Variants in UMODL1 observed in about 807,000 individuals in gnomAD.
The protein encoded by UMODL1 is uromodulin-like 1.
A neutral mutation model predicts 136.3 loss-of-function variants in UMODL1; 128 were observed. The observed-to-expected ratio is 0.94, with a 90% CI of 0.81 to 1.09. UMODL1 has a LOEUF of 1.09. Among genes scored for constraint, UMODL1 ranks in the 50% least tolerant of loss-of-function variants. The pLI is 0.00. For missense variants in UMODL1, 1,766 were observed against 1,725.6 expected (o/e 1.02, Z -0.41); for synonymous variants, 721 against 720.0 (o/e 1.00, Z -0.02).
intron 22 of UMODL1, among the ~76,000 whole-genome samples, chr21:42,141,270 G>A (rs1374745550): frequency 1.3e-5 from 2 of 152,210 alleles, no homozygotes; most frequent in Non-Finnish European, 2.9e-5. Context: ...CCACCCGCCT[G>A]TGGATGTGAT....
At chr21:42,135,225 C>T (rs764030283) in intron 21 of UMODL1, among the ~76,000 whole-genome samples, 7 of 152,368 alleles carry the variant, frequency 4.6e-5, no homozygotes, top group Non-Finnish European at 7.3e-5. Context: ...GAGATAGATG[C>T]CCTGTTTGGC....
At chr21:42,073,289 G>A (rs2066252734) in intron 1 of UMODL1, among the ~76,000 whole-genome samples, 1 of 152,204 alleles carries the variant, frequency 6.6e-6, no homozygotes, top group African/African-American at 2.4e-5. Flanking sequence ...GTTCCTTCCG[G>A]CCATATTCCA....
chr21:42,090,471 A>C, intron 6 of UMODL1, 33 bp downstream of exon 6: 8 of 1,610,990 alleles, frequency 5.0e-6, no homozygotes, highest in Non-Finnish European at 6.8e-6. Context: ...TGGCATGGGA[A>C]TGGCTTAATT....
intron 5 of UMODL1, 59 bp from the exon 6 acceptor site, chr21:42,090,239 A>T: frequency 1.2e-6 from 2 of 1,607,694 alleles, no homozygotes; most frequent in South Asian, 2.2e-5. Context: ...GTGCAGGTAG[A>T]TGAAGATGAC....
intron 17 of UMODL1, among the ~76,000 whole-genome samples, chr21:42,126,136 C>G (rs918727848): frequency 3.3e-5 from 5 of 152,200 alleles, no homozygotes; most frequent in Admixed American, 2.0e-4. Flanking sequence ...CAGGTGCTGC[C>G]TCCTCTGGTC....
At position 42,127,667 on chromosome 21, in the gene UMODL1, C is replaced by T. The variant is rs73905560; in HGVS notation, c.3531-5C>T. On this transcript the variant is annotated splice_region_variant and splice_polypyrimidine_tract_variant and intron_variant, in intron 19 of 22. Transcript: ENST00000408910. ...AGCAAGGAGTCCCATTTCCTCTCTT[C>T]TCAGCTGCCCTGTGCCCAACACATA... The T allele has an allele frequency of 1.7e-3, 2,758 of 1,611,406 alleles. 37 individuals are homozygous for T. In the African/African-American group the frequency reaches 0.032, roughly 19 times the overall value.
At chr21:42,111,233 G>A (rs1174349687) in intron 11 of UMODL1, 112 bp downstream of exon 11, 2 of 1,523,800 alleles carry the variant, frequency 1.3e-6, no homozygotes, top group Admixed American at 4.3e-5. Flanking sequence ...TACCAGCCAG[G>A]CGAGCCCCAG....
rs2066996967 is a variant in UMODL1 at position 42,122,941 on chromosome 21, C to T, written c.2938C>T (p.Pro980Ser). ...CACCAGCCCCACCCCCCAAGGCCTG[C>T]CCCAGCGGCTGAACCTGACCGGAGC... ...QGTSPTPQGL[P>S]QRLNLTGAVR... Residue 980 changes from proline (P) to serine (S), a missense_variant, in exon 17 of 23, where the codon CCC (proline) becomes TCC (serine). By Grantham distance (74) the Pro-to-Ser change is moderately conservative. Transcript: ENST00000408910. This position sits in a 1 kb window ranked among gnomAD's most constrained non-coding sequence, Gnocchi z 4.3. 2 of 1,613,926 alleles carry T rather than the reference C, an allele frequency of 1.2e-6. No homozygotes were observed. The highest frequency in any genetic ancestry group is 1.7e-6 in the Non-Finnish European group (2 of 1,180,040).
chr21:42,133,198 T>C (rs2067156200), intron 21 of UMODL1, among the ~76,000 whole-genome samples: 1 of 152,248 alleles, frequency 6.6e-6, no homozygotes, highest in Non-Finnish European at 1.5e-5. Flanking sequence ...AGAAACACTG[T>C]TGGAGACTGC....
chr21:42,074,676 C>T (rs894373572), intron 1 of UMODL1, among the ~76,000 whole-genome samples: 2 of 152,060 alleles, frequency 1.3e-5, no homozygotes, highest in African/African-American at 4.8e-5. Flanking sequence ...TGTCCTGCAG[C>T]GGGGGTGACT....
chr21:42,114,522 A>G (rs1406923560), intron 13 of UMODL1, among the ~76,000 whole-genome samples: 1 of 151,334 alleles, frequency 6.6e-6, no homozygotes, highest in Non-Finnish European at 1.5e-5. Context: ...GGTGGGGCGC[A>G]CACCCCTTGA....
chr21:42,091,627 G>A (rs761298944), intron 6 of UMODL1, among the ~76,000 whole-genome samples: 5 of 152,206 alleles, frequency 3.3e-5, no homozygotes, highest in Non-Finnish European at 7.3e-5. Flanking sequence ...GTGAAGAAGA[G>A]GAAAAAGGAA....
At chr21:42,111,774 T>G in intron 12 of UMODL1, 64 bp downstream of exon 12, 1 of 1,463,516 alleles carries the variant, frequency 6.8e-7, no homozygotes, top group Non-Finnish European at 9.1e-7. Context: ...TGTGAGCCTC[T>G]GGGGCAAAGC....
intron 21 of UMODL1, among the ~76,000 whole-genome samples, chr21:42,135,096 A>T (rs1050588017): frequency 1.3e-5 from 2 of 152,196 alleles, no homozygotes; most frequent in Non-Finnish European, 2.9e-5. Flanking sequence ...TTACAAAAGC[A>T]GCCATTGCTG....
upstream of UMODL1, among the ~76,000 whole-genome samples, chr21:42,070,674 T>TA (rs1268814799): frequency 6.6e-6 from 1 of 152,244 alleles, no homozygotes; most frequent in African/African-American, 2.4e-5. Context: ...CTGTAATAAT[T>TA]ACTCTCCCAC....
chr21:42,067,005 C>T (rs1272245208), upstream of UMODL1, among the ~76,000 whole-genome samples: 18 of 146,316 alleles, frequency 1.2e-4, no homozygotes, highest in Admixed American at 5.5e-4. Context: ...GATGGAGTCT[C>T]GCTCTGTCCT....
chr21:42,140,909 T>A (rs996972767), intron 22 of UMODL1, among the ~76,000 whole-genome samples: 6 of 152,136 alleles, frequency 3.9e-5, no homozygotes, highest in South Asian at 4.1e-4. Context: ...GGCCTCTGGT[T>A]TGGGGCCCAT....
At chr21:42,069,908 C>T (rs960269850), upstream of UMODL1, among the ~76,000 whole-genome samples, 7 of 152,200 alleles carry the variant, frequency 4.6e-5, no homozygotes, top group South Asian at 2.1e-4. Context: ...TTATTCTTTT[C>T]GTATGAAAAC....
At position 42,110,914 on chromosome 21, in the gene UMODL1, T is replaced by G. The variant is rs748143751; in HGVS notation, c.1692T>G (p.Ser564=). 1.2e-6 allele frequency: 2 copies of G among 1,611,962 alleles called. No individual in the cohort carries two copies. Among genetic ancestry groups the G allele is most frequent in the African/African-American group, 2.7e-5 (2 of 74,896 alleles). The change falls in exon 11 of 23, where the codon TCT becomes TCG. Residue 564 remains serine, a synonymous_variant. Transcript: ENST00000408910. ...TGAGCCCCATGGGCGGTGGACTGTC[T>G]GCGGCAACAGGGGTAACGGTCCCAG... is the stretch of plus-strand genomic sequence containing the variant. ...DLVSPMGGGL[S]AATGVTVPGL...
Sources: gnomAD v4.1 joint callset for allele counts (sites outside exome capture counted in the v4.1 genomes callset) on GRCh38, gnomAD v4.1.1 for gene constraint, Gnocchi (gnomAD v3.1) non-coding constraint, MANE v1.5 for transcripts, NCBI Gene and HGNC (gene_info 2026-07-23, HGNC 2026-07-21) for gene names.